MITD1: variants seen among roughly 807,000 people sequenced by gnomAD.
The protein encoded by MITD1 is MIT domain-containing protein 1.
MITD1 carries 24 observed loss-of-function variants against 34.9 expected under a neutral mutation model. The ratio of observed to expected loss-of-function variants is 0.69; its 90% confidence interval spans 0.50 to 0.97. MITD1 has a LOEUF of 0.97. Among genes scored for constraint, MITD1 ranks in the 50% least tolerant of loss-of-function variants. MITD1 has a pLI of 0.00. For synonymous variants in MITD1, 102 were observed against 101.4 expected, an observed-to-expected ratio of 1.01 and a Z score of -0.04; for missense variants, 266 against 294.6, an observed-to-expected ratio of 0.90 and a Z score of 0.71.
intron 1 of MITD1, among the ~76,000 whole-genome samples, chr2:99,177,279 C>A (rs1033398832): frequency 1.3e-5 from 2 of 152,258 alleles, no homozygotes; most frequent in South Asian, 4.1e-4. Flanking sequence ...AGGCTTGGAC[C>A]CTTACAGCCA....
In MITD1 at chr2:99,171,356, G is replaced by C. The variant is rs1439393224; in HGVS notation, c.464C>G (p.Thr155Ser). 1.2e-6 allele frequency: 2 copies of C among 1,610,038 alleles called. No homozygotes were observed. The highest frequency in any genetic ancestry group is 2.7e-5 in the African/African-American group (2 of 74,820). ...PCKVKTIHLL[T>S]SLDEGIEQVQ... ...TCAGGTACCTACTTCATCCAGAGAG[G>C]TGAGAAGGTGAATAGTTTTTACTTT... The change falls in exon 4 of 7, where the codon ACC becomes AGC. Residue 155 changes from threonine to serine, a missense_variant. Transcript: ENST00000289359.
intron 1 of MITD1, 171 bp downstream of exon 1, chr2:99,180,658 ATT>A: frequency 1.6e-6 from 1 of 637,392 alleles, no homozygotes. Context: ...ACATCAATCT[ATT>A]AAAGATCTAA....
At chr2:99,169,678 T>C (rs999672072) in intron 5 of MITD1, 68 bp from the exon 6 acceptor site, 8 of 1,350,278 alleles carry the variant, frequency 5.9e-6, no homozygotes, top group Non-Finnish European at 3.1e-6. Flanking sequence ...AGCTGTAGTG[T>C]ATTAAGTGTC....
chr2:99,161,997 C>T, exon 8 of MITD1: 1 of 1,611,610 alleles, frequency 6.2e-7, no homozygotes, highest in East Asian at 2.2e-5. Flanking sequence ...CTTCCAGTTA[C>T]TTTGTAACTG....
At chr2:99,171,771 C>A in intron 2 of MITD1, 125 bp from the exon 3 acceptor site, 1 of 856,594 alleles carries the variant, frequency 1.2e-6, no homozygotes, top group Non-Finnish European at 1.8e-6. Context: ...TCAGCAAATA[C>A]TTATTGAATG....
intron 7 of MITD1, chr2:99,162,836 C>G (rs769457641): frequency 6.2e-7 from 1 of 1,613,610 alleles, no homozygotes; most frequent in Non-Finnish European, 8.5e-7. Flanking sequence ...AACAGTCACA[C>G]TTGGAAATTA....
downstream of MITD1, among the ~76,000 whole-genome samples, chr2:99,168,512 ATCTAT>A (rs1296965877): frequency 6.6e-6 from 1 of 152,184 alleles, no homozygotes; most frequent in Non-Finnish European, 1.5e-5. Flanking sequence ...TCTCCATGGA[ATCTAT>A]TCTGTCTCCA....
At chr2:99,162,610 A>G (rs1377054105) in intron 7 of MITD1, 1 of 1,614,136 alleles carries the variant, frequency 6.2e-7, no homozygotes, top group Non-Finnish European at 8.5e-7. Context: ...CTTTTGGAAA[A>G]GGATCCCACT....
chr2:99,163,991 CCTT>C (rs934283583), intron 7 of MITD1, among the ~76,000 whole-genome samples: 2 of 152,132 alleles, frequency 1.3e-5, no homozygotes, highest in Non-Finnish European at 2.9e-5. Context: ...TCTCCTTTGA[CCTT>C]CTACCATAGC....
chr2:99,169,343 A>C lies in MITD1; in HGVS notation c.*32T>G, dbSNP rs2093842035. On this transcript the variant is annotated 3_prime_UTR_variant, in exon 7 of 7. Coordinates refer to ENST00000289359, the MANE Select transcript of MITD1 (RefSeq NM_138798.3). ...TAAAAAAAATCCAATATTCACTTAA[A>C]GTAGACATAATACAAATTAGGCTAC... 1 of 1,098,380 alleles carries C rather than the reference A, an allele frequency of 9.1e-7. No individual in the cohort carries two copies. Among genetic ancestry groups the C allele is most frequent in the Admixed American group, 2.2e-5 (1 of 45,936 alleles). The allele number at this position is 1,098,380 out of a possible 1,614,324, so 68.0% of individuals were successfully genotyped here. A position where few individuals can be genotyped will look rare whatever the true frequency, so the allele number is the denominator to read the frequency against.
chr2:99,179,709 C>T (rs755306459), intron 1 of MITD1, among the ~76,000 whole-genome samples: 1 of 152,050 alleles, frequency 6.6e-6, no homozygotes, highest in African/African-American at 2.4e-5. Context: ...ACTACAGGTG[C>T]GTGCCACCAT....
intron 1 of MITD1, among the ~76,000 whole-genome samples, chr2:99,176,687 CGT>C (rs34950540): frequency 0.17 from 25,610 of 151,490 alleles, 2,303 homozygotes; most frequent in Middle Eastern, 0.29. Context: ...TGTGTGTGCG[CGT>C]GTGTGTGTGT....
At chr2:99,164,342 C>T (rs898659580), downstream of MITD1, among the ~76,000 whole-genome samples, 1 of 149,120 alleles carries the variant, frequency 6.7e-6, no homozygotes, top group African/African-American at 2.5e-5. Context: ...TCTCTTCTTT[C>T]AAGACAGGGT....
chr2:99,162,593 G>C (rs772749727), intron 7 of MITD1: 1 of 1,614,082 alleles, frequency 6.2e-7, no homozygotes, highest in South Asian at 1.1e-5. Flanking sequence ...CTTCCTTAGT[G>C]AAAAATCTTT....
intron 7 of MITD1, chr2:99,163,240 T>TAGACTAGGTTG (rs2093811297): frequency 2.1e-6 from 1 of 467,730 alleles, no homozygotes; most frequent in African/African-American, 2.0e-5. Flanking sequence ...CCATCTGAAA[T>TAGACTAGGTTG]TCTTTATCAC....
At chr2:99,166,239 C>T (rs369131197), downstream of MITD1, among the ~76,000 whole-genome samples, 13 of 149,916 alleles carry the variant, frequency 8.7e-5, no homozygotes, top group East Asian at 7.8e-4. Flanking sequence ...GGGAGAACTT[C>T]GGTATTTAAA....
chr2:99,180,006 G>A (rs992901428), intron 1 of MITD1, among the ~76,000 whole-genome samples: 1 of 152,166 alleles, frequency 6.6e-6, no homozygotes, highest in East Asian at 1.9e-4. Flanking sequence ...AGTGTCGGGG[G>A]TTGGGGAGCA....
intron 1 of MITD1, 131 bp downstream of exon 1, chr2:99,180,700 A>G (rs1230041026): frequency 7.7e-6 from 6 of 784,048 alleles, no homozygotes; most frequent in Admixed American, 2.2e-5. Context: ...CCTATAGAAT[A>G]TCCCACCTTC....
Position 99,181,001 on chromosome 2 carries a change from C to T in MITD1, c.-20G>A, listed in dbSNP as rs1383096123. 1.2e-6 allele frequency: 2 copies of T among 1,609,220 alleles called. No homozygotes were observed. The highest frequency in any genetic ancestry group is 1.7e-5 in the Admixed American group (1 of 59,506). ...CGCCATAATTCTGGAAGTTCTCCTCCGCCTCAACCCAGGATGAAGTTGAGC... is the reference window on the plus strand; with the variant it reads ...CGCCATAATTCTGGAAGTTCTCCTCTGCCTCAACCCAGGATGAAGTTGAGC... On this transcript the variant is annotated 5_prime_UTR_variant, in exon 1 of 7. Coordinates refer to ENST00000289359, the MANE Select transcript of MITD1 (RefSeq NM_138798.3).
Sources: allele counts gnomAD v4.1 joint callset (sites outside exome capture counted in the v4.1 genomes callset), GRCh38; gene constraint gnomAD v4.1.1; transcripts MANE v1.5; gene names NCBI Gene and HGNC (gene_info 2026-07-23, HGNC 2026-07-21).